The following PDE1C variants were observed in gnomAD, a reference collection of about 807,000 sequenced individuals.
PDE1C encodes the protein phosphodiesterase 1C.
Under a neutral mutation model 93.1 loss-of-function variants are expected in PDE1C, and 62 were observed. The observed-to-expected ratio is 0.67, with a 90% CI of 0.54 to 0.82. The LOEUF is 0.82. Ranked by LOEUF, PDE1C falls within the 40% of genes least tolerant of loss-of-function variation. The probability of loss-of-function intolerance (pLI) is 0.00; values close to 1 mark genes in which losing one functional copy is unlikely to be tolerated. For synonymous variants in PDE1C, 325 were observed against 310.1 expected (o/e 1.05, Z -0.50); for missense variants, 742 against 884.6 (o/e 0.84, Z 2.04).
At position 32,007,510 on chromosome 7, in the gene PDE1C, T is replaced by G. The variant is rs1199055355; in HGVS notation, c.128+44044A>C. On this transcript the variant is annotated intron_variant, in intron 2 of 17. Transcript: ENST00000396191. The stretch of plus-strand genomic sequence containing the variant: ...AAAAGGTGGCTTGAATTATTATTTT[T>G]TAAAATATCATGGAGGCTTATTATG... Among the ~76,000 whole-genome samples the G allele has an allele frequency of 2.6e-5, 4 of 152,208 alleles. No homozygotes were observed. The East Asian group carries it at 7.7e-4, about 29-fold the overall frequency.
At chr7:32,371,397 T>C (rs117788703) in intron 1 of PDE1C, among the ~76,000 whole-genome samples, 8,272 of 152,270 alleles carry the variant, frequency 0.054, 262 homozygotes, top group Non-Finnish European at 0.073. Flanking sequence ...GAGTTATTAC[T>C]TGATTAATGT....
At chr7:31,806,657 T>C (rs1046353691) in intron 16 of PDE1C, among the ~76,000 whole-genome samples, 1 of 151,970 alleles carries the variant, frequency 6.6e-6, no homozygotes. Flanking sequence ...CCCTGGCTCA[T>C]GGGAGTTTGG....
chr7:32,172,625 C>T (rs1802718909), intron 2 of PDE1C, among the ~76,000 whole-genome samples: 1 of 152,100 alleles, frequency 6.6e-6, no homozygotes, highest in East Asian at 1.9e-4. Context: ...GAGTTCAAGA[C>T]CAGCCTGACC....
chr7:32,183,632 C>T (rs1803607037), intron 2 of PDE1C, among the ~76,000 whole-genome samples: 1 of 152,120 alleles, frequency 6.6e-6, no homozygotes. Flanking sequence ...CTTCCTTACA[C>T]CTTATACAAA....
intron 2 of PDE1C, among the ~76,000 whole-genome samples, chr7:32,031,320 T>C (rs1166119385): frequency 2.0e-5 from 3 of 152,182 alleles, no homozygotes; most frequent in African/African-American, 7.2e-5. Context: ...TACTATACAC[T>C]GATTCCCCCT....
chr7:31,900,884 T>G (rs1799891663), intron 2 of PDE1C, among the ~76,000 whole-genome samples: 1 of 151,874 alleles, frequency 6.6e-6, no homozygotes, highest in Non-Finnish European at 1.5e-5. Flanking sequence ...ATTTATATAA[T>G]GTACCAAATA....
At chr7:31,741,434 G>C in the PDE1C span, among the ~76,000 whole-genome samples, 1 of 152,038 alleles carries the variant, frequency 6.6e-6, no homozygotes, top group Non-Finnish European at 1.5e-5. Flanking sequence ...ATTATGTGCA[G>C]TATTATCAAT....
chr7:31,774,262 C>T (rs1200867085), intron 17 of PDE1C, among the ~76,000 whole-genome samples: 3 of 151,822 alleles, frequency 2.0e-5, no homozygotes, highest in African/African-American at 7.3e-5. Context: ...GGTAATTCCC[C>T]AAAGAAGAAA....
At chr7:31,778,502 T>C (rs1783169452) in intron 16 of PDE1C, among the ~76,000 whole-genome samples, 1 of 152,210 alleles carries the variant, frequency 6.6e-6, no homozygotes, top group Admixed American at 6.5e-5. Context: ...CCCTGGCCTC[T>C]ACCCATGAGA....
At chr7:32,128,875 G>A (rs1265642490) in intron 3 of PDE1C, among the ~76,000 whole-genome samples, 1 of 123,510 alleles carries the variant, frequency 8.1e-6, no homozygotes, top group East Asian at 2.3e-4. Flanking sequence ...ATATTATGGT[G>A]CACATGTACC....
chr7:32,253,017 T>C (rs1809504446), intron 1 of PDE1C, among the ~76,000 whole-genome samples: 1 of 152,072 alleles, frequency 6.6e-6, no homozygotes, highest in South Asian at 2.1e-4. Context: ...TAAGCATAGG[T>C]GTAGCAAATT....
intron 3 of PDE1C, among the ~76,000 whole-genome samples, chr7:32,136,915 T>C (rs933219458): frequency 6.6e-6 from 1 of 152,240 alleles, no homozygotes; most frequent in African/African-American, 2.4e-5. Flanking sequence ...TGATGTTGTT[T>C]GTTTATCAGT....
At chr7:31,871,241 G>T (rs948608822) in intron 6 of PDE1C, among the ~76,000 whole-genome samples, 3 of 151,714 alleles carry the variant, frequency 2.0e-5, no homozygotes, top group African/African-American at 7.3e-5. Context: ...ATCTATTACG[G>T]ACTTAAACAT....
chr7:32,392,962 T>C (rs951550157), intron 1 of PDE1C, among the ~76,000 whole-genome samples: 2 of 138,256 alleles, frequency 1.4e-5, no homozygotes, highest in Admixed American at 1.7e-4. Context: ...GACAGGAGAA[T>C]CACTTGAATC....
chr7:31,800,776 GC>G, intron 16 of PDE1C, among the ~76,000 whole-genome samples: 1 of 151,208 alleles, frequency 6.6e-6, no homozygotes, highest in South Asian at 2.1e-4. Flanking sequence ...CCAAAAAAAA[GC>G]ATACTAGGAT....
At position 31,759,412 on chromosome 7, in the gene PDE1C, G is replaced by A. The variant is rs80114777; in HGVS notation, c.1961-5859C>T. On this transcript the variant is annotated intron_variant, in intron 17 of 17. Coordinates refer to ENST00000396191, the MANE Select transcript of PDE1C (RefSeq NM_001191057.4). Reference sequence around the variant, plus strand: ...GAATCCAACCAGTCGTACAATCCCCGACCACTAGTGGAGAAGAACCAAACC... The same window carrying A: ...GAATCCAACCAGTCGTACAATCCCCAACCACTAGTGGAGAAGAACCAAACC... Among the ~76,000 whole-genome samples, 700 of 152,144 alleles carry A rather than the reference G, an allele frequency of 4.6e-3. 7 individuals carry two copies. The highest frequency in any genetic ancestry group is 0.015 in the African/African-American group (636 of 41,502).
intron 3 of PDE1C, among the ~76,000 whole-genome samples, chr7:32,078,936 A>AAG (rs1237859469): frequency 6.6e-5 from 10 of 152,050 alleles, no homozygotes; most frequent in African/African-American, 2.2e-4. Flanking sequence ...TCAAAAAAAA[A>AAG]AAAAAGAAAA....
intron 16 of PDE1C, among the ~76,000 whole-genome samples, chr7:31,798,399 G>A (rs1354486498): frequency 1.3e-5 from 2 of 151,768 alleles, no homozygotes; most frequent in East Asian, 2.0e-4. Context: ...AAGGAATTTT[G>A]TGTTTCCCAA....
chr7:32,424,432 T>C (rs1222136045), intron 1 of PDE1C, among the ~76,000 whole-genome samples: 1 of 152,228 alleles, frequency 6.6e-6, no homozygotes, highest in Non-Finnish European at 1.5e-5. Flanking sequence ...CAATGTACTT[T>C]CCCTTGGTTC....
Sources: gnomAD v4.1 joint callset for allele counts (sites outside exome capture counted in the v4.1 genomes callset) on GRCh38, gnomAD v4.1.1 for gene constraint, MANE v1.5 for transcripts, NCBI Gene and HGNC (gene_info 2026-07-23, HGNC 2026-07-21) for gene names.